RNF220: variants seen among roughly 807,000 people sequenced by gnomAD.
RNF220 encodes E3 ubiquitin-protein ligase RNF220.
A neutral mutation model predicts 67.1 loss-of-function variants in RNF220; 7 were observed. The observed-to-expected ratio is 0.10, with a 90% confidence interval of 0.06 to 0.20. The LOEUF is 0.20. RNF220 is among the 10% of genes least tolerant of loss of function. The pLI is 1.00. For synonymous variants in RNF220, 270 were observed against 283.2 expected, an observed-to-expected ratio of 0.95 and a Z score of 0.47; for missense variants, 565 against 740.3, an observed-to-expected ratio of 0.76 and a Z score of 2.75.
At chr1:44,574,999 T>A (rs1664706069) in intron 2 of RNF220, among the ~76,000 whole-genome samples, 1 of 152,262 alleles carries the variant, frequency 6.6e-6, no homozygotes, top group African/African-American at 2.4e-5. Context: ...GTATTTGTCA[T>A]TTCTACGTAC....
chr1:44,451,695 A>G (rs1652701201), intron 2 of RNF220, among the ~76,000 whole-genome samples: 1 of 152,022 alleles, frequency 6.6e-6, no homozygotes, highest in Non-Finnish European at 1.5e-5. Context: ...TGATCGGCTC[A>G]CTGCAACCTC....
intron 4 of RNF220, among the ~76,000 whole-genome samples, chr1:44,625,823 T>C (rs1236553503): frequency 6.6e-6 from 1 of 151,878 alleles, no homozygotes; most frequent in Admixed American, 6.6e-5. Flanking sequence ...CCGGGATAAA[T>C]GGACCCACAT....
intron 2 of RNF220, among the ~76,000 whole-genome samples, chr1:44,534,682 A>T (rs931578536): frequency 6.6e-6 from 1 of 152,162 alleles, no homozygotes; most frequent in African/African-American, 2.4e-5. Context: ...CACTGCCATC[A>T]TCATCATCAT....
At chr1:44,638,608 G>C (rs1360385496) in intron 8 of RNF220, among the ~76,000 whole-genome samples, 1 of 152,218 alleles carries the variant, frequency 6.6e-6, no homozygotes, top group African/African-American at 2.4e-5. Flanking sequence ...AGGTTGGTCT[G>C]ATGGATCAGA....
At chr1:44,562,287 T>C (rs914576323) in intron 2 of RNF220, among the ~76,000 whole-genome samples, 2 of 152,162 alleles carry the variant, frequency 1.3e-5, no homozygotes, top group Admixed American at 1.3e-4. Context: ...GGGCACAGAA[T>C]GCCTTGTCCA....
At chr1:44,408,517 A>T (rs1000775374) in intron 1 of RNF220, among the ~76,000 whole-genome samples, 6 of 152,112 alleles carry the variant, frequency 3.9e-5, no homozygotes, top group African/African-American at 1.4e-4. Context: ...TTAAAAAAAA[A>T]ATTTTTTTCC....
rs140214974 is a variant in RNF220 at position 44,626,527 on chromosome 1, C to G, written c.906+129C>G. 1,789 of 699,188 alleles carry G rather than the reference C, an allele frequency of 2.6e-3. 26 individuals are homozygous for G. The African/African-American group carries it at 0.028, about 11-fold the overall frequency. 43.3% of individuals were successfully genotyped at this position (699,188 alleles called of 1,614,324 possible). A position where few individuals can be genotyped will look rare whatever the true frequency, so the allele number is the denominator to read the frequency against. Reference sequence around the variant, plus strand: ...GAGGCCTGAACTGGGTTTGGTTCCCCCTGTGTCCCGTGCCCCTAAGTGAAC... The same window carrying G: ...GAGGCCTGAACTGGGTTTGGTTCCCGCTGTGTCCCGTGCCCCTAAGTGAAC... On this transcript the variant is annotated intron_variant, in intron 5 of 14. Coordinates refer to ENST00000361799, the MANE Select transcript of RNF220 (RefSeq NM_018150.4).
chr1:44,489,801 C>T (rs1440453472), intron 2 of RNF220, among the ~76,000 whole-genome samples: 2 of 151,644 alleles, frequency 1.3e-5, no homozygotes, highest in Non-Finnish European at 2.9e-5. Flanking sequence ...GCAGAATCTG[C>T]TTCACCAGAA....
chr1:44,552,255 G>A (rs116557858), intron 2 of RNF220, among the ~76,000 whole-genome samples: 3,661 of 152,196 alleles, frequency 0.024, 150 homozygotes, highest in African/African-American at 0.083. Context: ...GTGGCGGCTC[G>A]TGCCTGTAAG....
intron 2 of RNF220, among the ~76,000 whole-genome samples, chr1:44,458,954 A>G (rs909710503): frequency 2.6e-5 from 4 of 151,938 alleles, no homozygotes; most frequent in African/African-American, 9.7e-5. Flanking sequence ...GAGAGCATCC[A>G]CTCTTGGACG....
intron 2 of RNF220, among the ~76,000 whole-genome samples, chr1:44,477,643 A>G (rs1005680891): frequency 1.3e-5 from 2 of 152,226 alleles, no homozygotes; most frequent in African/African-American, 4.8e-5. Context: ...CAGCTTGGCC[A>G]GGAACCTCTG....
chr1:44,573,981 G>T (rs1392995811), intron 2 of RNF220, among the ~76,000 whole-genome samples: 1 of 152,124 alleles, frequency 6.6e-6, no homozygotes, highest in East Asian at 1.9e-4. Context: ...AGCTGGGCGT[G>T]GTGGTGCACA....
intron 2 of RNF220, among the ~76,000 whole-genome samples, chr1:44,451,395 A>G (rs1294748496): frequency 1.3e-5 from 2 of 152,102 alleles, no homozygotes; most frequent in Non-Finnish European, 2.9e-5. Flanking sequence ...ATGCTTTCAT[A>G]TATTTATTGA....
intron 2 of RNF220, among the ~76,000 whole-genome samples, chr1:44,560,209 G>C (rs1663456105): frequency 6.6e-6 from 1 of 152,214 alleles, no homozygotes; most frequent in South Asian, 2.1e-4. Flanking sequence ...CCCACGGAAG[G>C]CTTCTTATTG....
intron 2 of RNF220, among the ~76,000 whole-genome samples, chr1:44,501,623 T>C (rs961390903): frequency 3.3e-5 from 5 of 150,182 alleles, no homozygotes; most frequent in Non-Finnish European, 7.4e-5. Context: ...TTGCATGCCT[T>C]ACAGAGCCTT....
At chr1:44,456,929 C>G (rs1653243884) in intron 2 of RNF220, among the ~76,000 whole-genome samples, 1 of 152,102 alleles carries the variant, frequency 6.6e-6, no homozygotes, top group South Asian at 2.1e-4. Context: ...CCTTCTGCCT[C>G]AGTGTCTTAG....
intron 2 of RNF220, among the ~76,000 whole-genome samples, chr1:44,596,043 C>T (rs932377842): frequency 1.3e-5 from 2 of 152,312 alleles, no homozygotes; most frequent in East Asian, 1.9e-4. Context: ...GGATTACGGG[C>T]GTGCGCCGCC....
Position 44,565,536 on chromosome 1 carries a change from C to G in RNF220, c.626-48629C>G, listed in dbSNP as rs1228125088. 6.6e-6 allele frequency among the ~76,000 whole-genome samples: 1 copy of G among 152,168 alleles called. No homozygotes were observed. The highest frequency in any genetic ancestry group is 2.4e-5 in the African/African-American group (1 of 41,446). ...GGGCCCATTCCTCAGCGCTAATGCC[C>G]CCAGCCTAACACAATTACCCCTTCC... On this transcript the variant is annotated intron_variant, in intron 2 of 14. Coordinates refer to ENST00000361799, the MANE Select transcript of RNF220 (RefSeq NM_018150.4). The surrounding 1 kb of genome is among the most constrained non-coding windows in gnomAD (Gnocchi z 4.2).
chr1:44,504,162 A>G (rs1036193463), intron 2 of RNF220, among the ~76,000 whole-genome samples: 3 of 152,138 alleles, frequency 2.0e-5, no homozygotes, highest in Admixed American at 2.0e-4. Flanking sequence ...TCCGTGTTTT[A>G]ACAGGCTCTC....
Sources: allele counts gnomAD v4.1 joint callset (sites outside exome capture counted in the v4.1 genomes callset), GRCh38; gene constraint gnomAD v4.1.1; non-coding constraint Gnocchi (gnomAD v3.1); transcripts MANE v1.5; gene names NCBI Gene and HGNC (gene_info 2026-07-23, HGNC 2026-07-21).